Variants in SEMA3D observed in about 807,000 individuals in gnomAD.
SEMA3D encodes semaphorin 3D, also known as semaphorin-3D.
SEMA3D carries 84 observed loss-of-function variants against 100.1 expected under a neutral mutation model. That is an observed-to-expected ratio of 0.84 (90% CI 0.70 to 1.01). SEMA3D has a LOEUF of 1.01. Among genes scored for constraint, SEMA3D ranks in the 50% least tolerant of loss-of-function variants. The pLI is 0.00. For missense variants in SEMA3D, 875 were observed against 934.1 expected (o/e 0.94, Z 0.82); for synonymous variants, 312 against 320.7 (o/e 0.97, Z 0.29).
intron 4 of SEMA3D, 117 bp from the exon 5 acceptor site, chr7:85,081,696 A>G (rs1370605145): frequency 1.0e-5 from 7 of 672,674 alleles, no homozygotes; most frequent in Non-Finnish European, 1.8e-5. Flanking sequence ...GCATGTTGTT[A>G]GAGTCAATGT....
chr7:85,145,445 A>G (rs779655026), intron 2 of SEMA3D, among the ~76,000 whole-genome samples: 1 of 152,032 alleles, frequency 6.6e-6, no homozygotes, highest in Non-Finnish European at 1.5e-5. Context: ...ATTTTTAGTT[A>G]TTTGGTATTT....
the SEMA3D span, among the ~76,000 whole-genome samples, chr7:85,241,475 A>G: frequency 9.6e-5 from 13 of 134,790 alleles, 1 homozygote; most frequent in African/African-American, 2.6e-4. Context: ...GTGTATATAT[A>G]TATATATATA....
the SEMA3D span, among the ~76,000 whole-genome samples, chr7:85,228,877 T>C: frequency 6.6e-6 from 1 of 152,064 alleles, no homozygotes; most frequent in African/African-American, 2.4e-5. Flanking sequence ...GTCTCTGTCT[T>C]GTGGCCTGTT....
chr7:85,225,071 TA>T, the SEMA3D span, among the ~76,000 whole-genome samples: 1 of 39,224 alleles, frequency 2.5e-5, no homozygotes, highest in African/African-American at 4.0e-5. Flanking sequence ...TATATATATA[TA>T]TATATATATA....
intron 3 of SEMA3D, among the ~76,000 whole-genome samples, chr7:85,119,148 T>C (rs184365259): frequency 4.6e-4 from 70 of 152,286 alleles, no homozygotes; most frequent in Non-Finnish European, 8.5e-4. Flanking sequence ...GAAAACGGAA[T>C]GCTTATACAC....
In SEMA3D at chr7:85,143,061, T is replaced by C. The variant is rs552593764; in HGVS notation, c.-41+10547A>G. The C allele has an allele frequency of 8.6e-6, 8 of 930,636 alleles. No homozygotes were observed. In the South Asian group the frequency reaches 2.0e-4, roughly 23 times the overall value. The allele number at this position is 930,636 out of a possible 1,614,324, so 57.6% of individuals were successfully genotyped here. On this transcript the variant is annotated intron_variant, in intron 2 of 18. Transcript: ENST00000284136. The stretch of plus-strand genomic sequence containing the variant: ...CTCATAATGCAATAATTATTTCTAA[T>C]AAGACAAACTTACAATTAGTTATTC...
At chr7:85,127,415 C>G (rs1470321444) in intron 2 of SEMA3D, among the ~76,000 whole-genome samples, 1 of 151,960 alleles carries the variant, frequency 6.6e-6, no homozygotes, top group African/African-American at 2.4e-5. Context: ...TACTAAGAGC[C>G]AAATAAAATT....
At chr7:85,204,085 T>C in the SEMA3D span, among the ~76,000 whole-genome samples, 1 of 151,958 alleles carries the variant, frequency 6.6e-6, no homozygotes, top group Non-Finnish European at 1.5e-5. Context: ...AAATAACTAC[T>C]TTTTATATTA....
At chr7:85,225,803 G>A in the SEMA3D span, among the ~76,000 whole-genome samples, 2 of 152,000 alleles carry the variant, frequency 1.3e-5, no homozygotes, top group South Asian at 2.1e-4. Context: ...CTGAGGAGGC[G>A]AGCCACACTC....
At chr7:85,055,251 TTACTC>T (rs1401881806) in intron 9 of SEMA3D, among the ~76,000 whole-genome samples, 9 of 152,116 alleles carry the variant, frequency 5.9e-5, no homozygotes, top group African/African-American at 2.2e-4. Context: ...GATGCTTAAA[TTACTC>T]TAGGGATTAC....
chr7:85,138,107 C>T (rs965226785), intron 2 of SEMA3D, among the ~76,000 whole-genome samples: 8 of 152,078 alleles, frequency 5.3e-5, no homozygotes, highest in Admixed American at 2.6e-4. Context: ...CCCATAGAAG[C>T]TGAATGGGCT....
rs995231365 is a variant in SEMA3D, at chr7:85,049,257, A to AT, written c.861+6459dup. ...AAATTCTATAGAGGCTTTCAAGGCAATTTTTTTTTTCTGAAAAATACACCT... is the reference window on the plus strand; with the variant it reads ...AAATTCTATAGAGGCTTTCAAGGCAATTTTTTTTTTTCTGAAAAATACACCT... On this transcript the variant is annotated intron_variant, in intron 9 of 18. Transcript: ENST00000284136. Among the ~76,000 whole-genome samples the AT allele has an allele frequency of 4.2e-3, 633 of 149,788 alleles. 6 individuals carry two copies. The highest frequency in any genetic ancestry group is 0.014 in the African/African-American group (566 of 41,052).
At chr7:85,036,659 C>T (rs1790705137) in intron 12 of SEMA3D, among the ~76,000 whole-genome samples, 1 of 152,042 alleles carries the variant, frequency 6.6e-6, no homozygotes, top group South Asian at 2.1e-4. Context: ...ATAAGCTCCA[C>T]ATTGTCCCCG....
Position 85,022,502 on chromosome 7 carries a change from C to T in SEMA3D, c.1303G>A (p.Ala435Thr). 1.2e-6 allele frequency: 2 copies of T among 1,612,324 alleles called. No individual in the cohort carries two copies. Among genetic ancestry groups the T allele is most frequent in the South Asian group, 1.1e-5 (1 of 91,048 alleles). ...SVMYKSVYPV[A>T]GGPTFKRINV... ...ATTCTCTTGAACGTTGGTCCTCCTG[C>T]AACTGGGTATACGGACTTATACATC... is the stretch of plus-strand genomic sequence containing the variant. The change falls in exon 13 of 19, where the codon GCA becomes ACA. Residue 435 changes from alanine (A) to threonine (T), a missense_variant. Transcript: ENST00000284136.
chr7:85,093,080 T>C (rs367781105), intron 4 of SEMA3D, among the ~76,000 whole-genome samples: 180 of 152,226 alleles, frequency 1.2e-3, no homozygotes, highest in African/African-American at 4.1e-3. Context: ...CTCTTTTTGT[T>C]TGGCTGAGAA....
the SEMA3D span, among the ~76,000 whole-genome samples, chr7:85,227,522 T>C: frequency 6.6e-6 from 1 of 152,164 alleles, no homozygotes; most frequent in Non-Finnish European, 1.5e-5. Context: ...TAATCTTGAA[T>C]TTCTCAGCAT....
At chr7:85,142,170 C>T (rs762036041) in intron 2 of SEMA3D, 9 of 984,790 alleles carry the variant, frequency 9.1e-6, no homozygotes, top group Non-Finnish European at 1.1e-5. Context: ...ACAATTCGCT[C>T]AGTGTCTCTT....
intron 5 of SEMA3D, among the ~76,000 whole-genome samples, chr7:85,074,639 T>TATA (rs200778426): frequency 2.2e-5 from 3 of 137,196 alleles, no homozygotes; most frequent in East Asian, 4.2e-4. Flanking sequence ...ATATATATAT[T>TATA]TTTTTTTTTT....
At chr7:85,038,440 C>T (rs1009419826) in intron 11 of SEMA3D, among the ~76,000 whole-genome samples, 15 of 152,130 alleles carry the variant, frequency 9.9e-5, no homozygotes, top group Non-Finnish European at 2.1e-4. Flanking sequence ...GCCATTATTG[C>T]AGGTTTATTA....
Sources: gnomAD v4.1 joint callset for allele counts (sites outside exome capture counted in the v4.1 genomes callset) on GRCh38, gnomAD v4.1.1 for gene constraint, MANE v1.5 for transcripts, NCBI Gene and HGNC (gene_info 2026-07-23, HGNC 2026-07-21) for gene names.